EIPR1: variants seen among roughly 807,000 people sequenced by gnomAD.
The protein encoded by EIPR1 is EARP complex and GARP complex interacting protein 1.
In EIPR1, 25 loss-of-function variants were observed where a neutral mutation model predicts 48.1. That is an observed-to-expected ratio of 0.52 (90% CI 0.38 to 0.73). EIPR1 has a LOEUF of 0.73. Ranked by LOEUF, EIPR1 falls within the 30% of genes least tolerant of loss-of-function variation. EIPR1 has a pLI of 0.00. For synonymous variants in EIPR1, 204 were observed against 201.9 expected, an observed-to-expected ratio of 1.01 and a Z score of -0.09; for missense variants, 415 against 506.2, an observed-to-expected ratio of 0.82 and a Z score of 1.73.
chr2:3,209,452 G>A lies in EIPR1; in HGVS notation c.516+4697C>T, dbSNP rs72763746. Among the ~76,000 whole-genome samples the A allele has an allele frequency of 2.4e-3, 361 of 152,348 alleles. 2 individuals are homozygous for A. Among genetic ancestry groups the A allele is most frequent in the Non-Finnish European group, 3.9e-3 (266 of 68,038 alleles). On this transcript the variant is annotated intron_variant, in intron 5 of 8. Transcript: ENST00000382125. ...TCGGACTCCGTGTCCCCCGCATGGC[G>A]AGGGTGCGTGGAAGGAGGCCCAGGC...
chr2:3,213,202 A>G (rs1265944262), intron 5 of EIPR1, among the ~76,000 whole-genome samples: 1 of 152,238 alleles, frequency 6.6e-6, no homozygotes, highest in African/African-American at 2.4e-5. Flanking sequence ...GCAGCCCCCA[A>G]GGTATAAATG....
chr2:3,343,904 G>GA (rs944676432), intron 2 of EIPR1, among the ~76,000 whole-genome samples: 4 of 151,804 alleles, frequency 2.6e-5, no homozygotes, highest in African/African-American at 9.7e-5. Flanking sequence ...CTTGAGAATT[G>GA]AAAAAACAAA....
intron 3 of EIPR1, among the ~76,000 whole-genome samples, chr2:3,299,624 T>TCACACACACACACA (rs3064647): frequency 2.9e-5 from 4 of 136,814 alleles, no homozygotes; most frequent in South Asian, 5.0e-4. Flanking sequence ...TCTCTCTCTC[T>TCACACACACACACA]CACACACACA....
chr2:3,346,044 C>T (rs1258699491), intron 2 of EIPR1, among the ~76,000 whole-genome samples: 4 of 152,200 alleles, frequency 2.6e-5, no homozygotes, highest in African/African-American at 9.7e-5. Flanking sequence ...GAGTCCACAC[C>T]ACTTCTCCCA....
intron 4 of EIPR1, 114 bp from the exon 5 acceptor site, chr2:3,214,362 G>T: frequency 1.1e-6 from 1 of 908,786 alleles, no homozygotes; most frequent in Non-Finnish European, 1.7e-6. Flanking sequence ...CCGGCCTGTA[G>T]TCACTAGAGT....
At chr2:3,322,647 T>C (rs750856229) in intron 3 of EIPR1, among the ~76,000 whole-genome samples, 3 of 152,190 alleles carry the variant, frequency 2.0e-5, no homozygotes, top group Admixed American at 6.5e-5. Context: ...ATGAATTCCA[T>C]TGACAGAGTC....
At chr2:3,356,008 G>A (rs12476905) in intron 1 of EIPR1, among the ~76,000 whole-genome samples, 24,613 of 152,172 alleles carry the variant, frequency 0.16, 2,223 homozygotes, top group Non-Finnish European at 0.21. Context: ...ACTAGCGAGT[G>A]CTCTTGGGAA....
intron 1 of EIPR1, among the ~76,000 whole-genome samples, chr2:3,365,810 CACAGATCAACAGGATA>C (rs1258969258): frequency 6.6e-6 from 1 of 151,482 alleles, no homozygotes; most frequent in African/African-American, 2.4e-5. Flanking sequence ...GGGGTAAGGT[CACAGATCAACAGGATA>C]AGAATTTTTC....
At chr2:3,234,888 G>C (rs1204590998) in intron 4 of EIPR1, among the ~76,000 whole-genome samples, 1 of 152,260 alleles carries the variant, frequency 6.6e-6, no homozygotes, top group Non-Finnish European at 1.5e-5. Context: ...AGACACTCCA[G>C]AGAGTTTAGC....
At chr2:3,235,436 A>ACGCGCGTGCGCG (rs1558241253) in intron 4 of EIPR1, among the ~76,000 whole-genome samples, 1 of 78,480 alleles carries the variant, frequency 1.3e-5, no homozygotes, top group Non-Finnish European at 2.7e-5. Context: ...ACACACACAC[A>ACGCGCGTGCGCG]CACGCGTGCG....
At chr2:3,341,975 A>T (rs1003238451) in intron 2 of EIPR1, among the ~76,000 whole-genome samples, 1 of 152,210 alleles carries the variant, frequency 6.6e-6, no homozygotes, top group Non-Finnish European at 1.5e-5. Flanking sequence ...TATATTAGCC[A>T]ACTTTTTCTA....
Position 3,200,689 on chromosome 2 carries a change from C to T in EIPR1, c.517-3672G>A, listed in dbSNP as rs530396064. Reference sequence around the variant, plus strand: ...AGGGGGGCAGGGGCAGACACCAGAACGCACAAGCACGTGTGAGCACGGCAG... The same window carrying T: ...AGGGGGGCAGGGGCAGACACCAGAATGCACAAGCACGTGTGAGCACGGCAG... On this transcript the variant is annotated intron_variant, in intron 5 of 8. Coordinates refer to ENST00000382125, the MANE Select transcript of EIPR1 (RefSeq NM_003310.5). 9.2e-5 allele frequency among the ~76,000 whole-genome samples: 14 copies of T among 152,080 alleles called. 1 individual carries two copies. Among genetic ancestry groups the T allele is most frequent in the Admixed American group, 2.6e-4 (4 of 15,276 alleles).
intron 4 of EIPR1, among the ~76,000 whole-genome samples, chr2:3,221,065 C>A (rs111587494): frequency 5.1e-4 from 8 of 15,708 alleles, no homozygotes; most frequent in East Asian, 0.013. Flanking sequence ...CGGGAACACA[C>A]GCACACAATG....
chr2:3,272,929 T>C (rs958137355), intron 3 of EIPR1, among the ~76,000 whole-genome samples: 1 of 149,830 alleles, frequency 6.7e-6, no homozygotes, highest in African/African-American at 2.5e-5. Context: ...ACTGACAAAC[T>C]CTCCTAGAAT....
At chr2:3,282,713 G>A (rs1291246876) in intron 3 of EIPR1, 1 of 152,316 alleles carries the variant, frequency 6.6e-6, no homozygotes, top group Non-Finnish European at 1.5e-5. Flanking sequence ...GCCGGCGCCT[G>A]TCGCGGTGCT....
chr2:3,372,570 T>C (rs1659703524), intron 1 of EIPR1, among the ~76,000 whole-genome samples: 1 of 152,120 alleles, frequency 6.6e-6, no homozygotes, highest in South Asian at 2.1e-4. Context: ...CCCACAGAAA[T>C]ACAAACTACC....
At chr2:3,351,004 ATT>A (rs71396979) in intron 2 of EIPR1, among the ~76,000 whole-genome samples, 2 of 135,292 alleles carry the variant, frequency 1.5e-5, no homozygotes, top group Non-Finnish European at 1.6e-5. Context: ...ATTTTGGGCG[ATT>A]TTTTTTTTTT....
intron 3 of EIPR1, among the ~76,000 whole-genome samples, chr2:3,333,996 G>A (rs1419849384): frequency 6.6e-6 from 1 of 152,116 alleles, no homozygotes; most frequent in Non-Finnish European, 1.5e-5. Flanking sequence ...ATTAAAAGAT[G>A]CCACCGTTCA....
rs1425600193 is a variant in EIPR1, at chr2:3,312,825, C to T, written c.259+25192G>A. Reference sequence around the variant, plus strand: ...CCTGACCACCGCTGTGGGCCTCATTCTGGAATGGATGCTACCTAACAAAGC... The same window carrying T: ...CCTGACCACCGCTGTGGGCCTCATTTTGGAATGGATGCTACCTAACAAAGC... On this transcript the variant is annotated intron_variant, in intron 3 of 8. Coordinates refer to ENST00000382125, the MANE Select transcript of EIPR1 (RefSeq NM_003310.5). This position sits in a 1 kb window ranked among gnomAD's most constrained non-coding sequence, Gnocchi z 5.5. Among the ~76,000 whole-genome samples, 1 of 152,160 alleles carries T rather than the reference C, an allele frequency of 6.6e-6. No individual in the cohort carries two copies. The highest frequency in any genetic ancestry group is 1.5e-5 in the Non-Finnish European group (1 of 68,040).
Sources: allele counts gnomAD v4.1 joint callset (sites outside exome capture counted in the v4.1 genomes callset), GRCh38; gene constraint gnomAD v4.1.1; non-coding constraint Gnocchi (gnomAD v3.1); transcripts MANE v1.5; gene names NCBI Gene and HGNC (gene_info 2026-07-23, HGNC 2026-07-21).